DAP: variants seen among roughly 807,000 people sequenced by gnomAD.
The protein encoded by DAP is death associated protein, also known as death-associated protein 1.
Under a neutral mutation model 13.8 loss-of-function variants are expected in DAP, and 8 were observed. That is an observed-to-expected ratio of 0.58 (90% CI 0.34 to 1.05). The LOEUF is 1.05. Among genes scored for constraint, DAP ranks in the 50% least tolerant of loss-of-function variants. The pLI is 0.03. For missense variants in DAP, 106 were observed against 133.2 expected (o/e 0.80, Z 1.01); for synonymous variants, 47 against 47.5 (o/e 0.99, Z 0.04).
Position 10,752,295 on chromosome 5 carries a change from A to C in DAP, c.56-4024T>G, listed in dbSNP as rs112264645. Among the ~76,000 whole-genome samples the C allele has an allele frequency of 4.1e-3, 620 of 152,374 alleles. 7 individuals carry two copies. The highest frequency in any genetic ancestry group is 0.014 in the African/African-American group (581 of 41,592). On this transcript the variant is annotated intron_variant, in intron 1 of 3. Coordinates refer to ENST00000230895, the MANE Select transcript of DAP (RefSeq NM_004394.3). ...AATGTAGCAATAAAAAGTGGCAATAATAACAATAATAACTCAAAGCTGAGA... is the reference window on the plus strand; with the variant it reads ...AATGTAGCAATAAAAAGTGGCAATACTAACAATAATAACTCAAAGCTGAGA...
chr5:10,760,634 T>C (rs1409205645), intron 1 of DAP, among the ~76,000 whole-genome samples: 1 of 152,254 alleles, frequency 6.6e-6, no homozygotes, highest in African/African-American at 2.4e-5. Flanking sequence ...CACTGACTTT[T>C]CATTGCTTCT....
chr5:10,698,869 AG>A (rs1403775497), intron 2 of DAP, among the ~76,000 whole-genome samples: 1 of 152,230 alleles, frequency 6.6e-6, no homozygotes, highest in African/African-American at 2.4e-5. Context: ...CAAAGAACAA[AG>A]GAAGACTTGG....
At chr5:10,718,341 G>T (rs1212867359) in intron 2 of DAP, among the ~76,000 whole-genome samples, 1 of 152,188 alleles carries the variant, frequency 6.6e-6, no homozygotes, top group African/African-American at 2.4e-5. Context: ...CCAGTGCCAG[G>T]CTGCATAATT....
At chr5:10,740,044 A>T (rs1234446774) in intron 2 of DAP, among the ~76,000 whole-genome samples, 1 of 152,230 alleles carries the variant, frequency 6.6e-6, no homozygotes, top group Non-Finnish European at 1.5e-5. Context: ...TCAGATGAAG[A>T]TTTAAAATAA....
chr5:10,684,602 C>T (rs1738111175), intron 2 of DAP, among the ~76,000 whole-genome samples: 1 of 152,186 alleles, frequency 6.6e-6, no homozygotes, highest in Non-Finnish European at 1.5e-5. Flanking sequence ...ACGTGCTTGT[C>T]TTCTTATTAA....
rs80103985 is a variant in DAP, at chr5:10,710,378, G to A, written c.153-26807C>T. Among the ~76,000 whole-genome samples, 27 of 152,376 alleles carry A rather than the reference G, an allele frequency of 1.8e-4. 1 individual carries two copies. In the East Asian group the frequency reaches 5.0e-3, roughly 28 times the overall value. On this transcript the variant is annotated intron_variant, in intron 2 of 3. Transcript: ENST00000230895. ...AAGCCACAGAATGGCCCTGGCAGAGGCAGGTTTAGCTCCTGTTCTCTGTGT... is the reference window on the plus strand; with the variant it reads ...AAGCCACAGAATGGCCCTGGCAGAGACAGGTTTAGCTCCTGTTCTCTGTGT...
At chr5:10,754,932 G>A (rs962906318) in intron 1 of DAP, among the ~76,000 whole-genome samples, 15 of 152,180 alleles carry the variant, frequency 9.9e-5, no homozygotes, top group African/African-American at 3.6e-4. Context: ...TCTGGAACCT[G>A]TGAGTGTGCT....
intron 1 of DAP, among the ~76,000 whole-genome samples, chr5:10,752,756 G>T (rs1403170016): frequency 1.3e-5 from 2 of 152,150 alleles, no homozygotes; most frequent in Non-Finnish European, 2.9e-5. Context: ...GTGCCTCAGG[G>T]TCTGCCACCT....
rs996353014 is a variant in DAP at position 10,679,746 on chromosome 5, C to T, written c.*1310G>A. The stretch of plus-strand genomic sequence containing the variant: ...CATGCTCCCTCAGGGAGGAGGGGCG[C>T]TGGGTCTGACCAGGTCTGCCTCTGC... On this transcript the variant is annotated 3_prime_UTR_variant, in exon 4 of 4. Coordinates refer to ENST00000230895, the MANE Select transcript of DAP (RefSeq NM_004394.3). The T allele has an allele frequency of 3.3e-5, 5 of 152,470 alleles. No individual in the cohort carries two copies. The highest frequency in any genetic ancestry group is 1.2e-4 in the African/African-American group (5 of 41,476). The allele number at this position is 152,470 out of a possible 1,614,324, so 9.4% of individuals were successfully genotyped here. A position where few individuals can be genotyped will look rare whatever the true frequency, so the allele number is the denominator to read the frequency against.
At chr5:10,685,715 G>GT (rs1738139995) in intron 2 of DAP, among the ~76,000 whole-genome samples, 1 of 152,092 alleles carries the variant, frequency 6.6e-6, no homozygotes, top group Non-Finnish European at 1.5e-5. Flanking sequence ...TGTCCTATTT[G>GT]TTTTTTAACC....
intron 2 of DAP, among the ~76,000 whole-genome samples, chr5:10,738,530 T>C (rs887854069): frequency 4.6e-5 from 7 of 152,184 alleles, no homozygotes; most frequent in African/African-American, 9.7e-5. Flanking sequence ...AATCCAATCA[T>C]GAAGGCACAT....
intron 2 of DAP, among the ~76,000 whole-genome samples, chr5:10,708,555 G>C (rs1738762652): frequency 6.6e-6 from 1 of 152,114 alleles, no homozygotes; most frequent in Non-Finnish European, 1.5e-5. Flanking sequence ...TCCCATCCCT[G>C]CTGATCTCCA....
At chr5:10,738,540 T>C (rs1291412146) in intron 2 of DAP, among the ~76,000 whole-genome samples, 3 of 152,150 alleles carry the variant, frequency 2.0e-5, no homozygotes, top group Non-Finnish European at 2.9e-5. Flanking sequence ...TGAAGGCACA[T>C]CAGAAAAATT....
intron 2 of DAP, among the ~76,000 whole-genome samples, chr5:10,689,362 A>AGAAT (rs1738240359): frequency 6.6e-6 from 1 of 152,174 alleles, no homozygotes; most frequent in African/African-American, 2.4e-5. Flanking sequence ...CCCAGCAGTA[A>AGAAT]GAATGACCCT....
At chr5:10,712,206 A>T (rs1738871493) in intron 2 of DAP, among the ~76,000 whole-genome samples, 1 of 152,150 alleles carries the variant, frequency 6.6e-6, no homozygotes, top group Non-Finnish European at 1.5e-5. Context: ...AGCCAATGAG[A>T]AAGGCCTCAG....
chr5:10,701,418 T>A (rs1470239506), intron 2 of DAP, among the ~76,000 whole-genome samples: 1 of 152,208 alleles, frequency 6.6e-6, no homozygotes, highest in Non-Finnish European at 1.5e-5. Flanking sequence ...TTTGAATATT[T>A]TTAAACCCAG....
chr5:10,723,541 T>C (rs938670983), intron 2 of DAP, among the ~76,000 whole-genome samples: 6 of 152,158 alleles, frequency 3.9e-5, no homozygotes, highest in East Asian at 1.9e-4. Context: ...GGGAAAGAAA[T>C]AGCAGAGAAG....
chr5:10,703,932 C>T (rs1289050602), intron 2 of DAP, among the ~76,000 whole-genome samples: 1 of 152,236 alleles, frequency 6.6e-6, no homozygotes, highest in Non-Finnish European at 1.5e-5. Flanking sequence ...AATACAGCAG[C>T]GGTGAAGAGG....
intron 1 of DAP, among the ~76,000 whole-genome samples, chr5:10,750,165 C>T (rs961955507): frequency 6.6e-6 from 1 of 152,162 alleles, no homozygotes; most frequent in Non-Finnish European, 1.5e-5. Context: ...GTCAACTTGC[C>T]ACACCATGTC....
Sources: gnomAD v4.1 joint callset for allele counts (sites outside exome capture counted in the v4.1 genomes callset) on GRCh38, gnomAD v4.1.1 for gene constraint, MANE v1.5 for transcripts, NCBI Gene and HGNC (gene_info 2026-07-23, HGNC 2026-07-21) for gene names.